The following SLC2A14 variants were observed in gnomAD, a reference collection of about 807,000 sequenced individuals.
The protein encoded by SLC2A14 is solute carrier family 2, facilitated glucose transporter member 14.
In SLC2A14, 13 loss-of-function variants were observed where a neutral mutation model predicts 43.0. The observed-to-expected ratio is 0.30, with a 90% CI of 0.20 to 0.48. The LOEUF (loss-of-function observed/expected upper bound fraction) is 0.48, where lower values mean the gene tolerates loss of function less well. Among genes scored for constraint, SLC2A14 ranks in the 20% least tolerant of loss-of-function variants. The pLI, the probability that SLC2A14 is intolerant of heterozygous loss-of-function variation, is 0.99. For synonymous variants in SLC2A14, 190 were observed against 233.8 expected, an observed-to-expected ratio of 0.81 and a Z score of 1.71; for missense variants, 428 against 620.4, an observed-to-expected ratio of 0.69 and a Z score of 3.29.
intron 1 of SLC2A14, chr12:7,870,773 T>C: frequency 1.2e-6 from 1 of 818,466 alleles, no homozygotes; most frequent in Non-Finnish European, 1.6e-6. Context: ...CAAATAAATA[T>C]ACTTTTCAAA....
intron 7 of SLC2A14, among the ~76,000 whole-genome samples, chr12:7,826,963 C>T (rs867767731): frequency 4.4e-5 from 4 of 91,382 alleles, no homozygotes; most frequent in Non-Finnish European, 6.5e-5. Context: ...TCTTCTCTCT[C>T]TTTCTCTCTC....
intron 9 of SLC2A14, among the ~76,000 whole-genome samples, chr12:7,819,090 G>A (rs1168286709): frequency 6.6e-6 from 1 of 152,084 alleles, no homozygotes; most frequent in African/African-American, 2.4e-5. Flanking sequence ...GGAGGTGCAT[G>A]CCTGTAATCA....
At position 7,832,736 on chromosome 12, in the gene SLC2A14, T is replaced by C; in HGVS notation, c.97A>G (p.Asn33Asp). Reference sequence around the variant, plus strand: ...CTGGCACTCACCGTCTCAGGAGCATTGATGACCCCAGTGTTGTAGCCAAAC... The same window carrying C: ...CTGGCACTCACCGTCTCAGGAGCATCGATGACCCCAGTGTTGTAGCCAAAC... ...FQFGYNTGVI[N>D]APETIIKEFI... Residue 33 changes from asparagine to aspartate, a missense_variant, in exon 3 of 11, where the codon AAT becomes GAT. Physicochemically the swap from Asn to Asp is conservative, Grantham distance 23. Transcript: ENST00000431042. The C allele has an allele frequency of 6.2e-7, 1 of 1,614,090 alleles. No individual in the cohort carries two copies. The highest frequency in any genetic ancestry group is 1.3e-5 in the African/African-American group (1 of 75,034).
At chr12:7,887,598 TAGATAGA>T (rs1945709542) in intron 1 of SLC2A14, among the ~76,000 whole-genome samples, 1 of 133,472 alleles carries the variant, frequency 7.5e-6, no homozygotes, top group Non-Finnish European at 1.7e-5. Context: ...GATAGATAGA[TAGATAGA>T]TAGATAGTTA....
chr12:7,846,663 G>A (rs1450919341), intron 2 of SLC2A14, among the ~76,000 whole-genome samples: 2 of 148,570 alleles, frequency 1.3e-5, no homozygotes, highest in Non-Finnish European at 3.0e-5. Flanking sequence ...ATGGAGTCTC[G>A]CTCTGTCACC....
At chr12:7,833,781 C>CA (rs35210860) in intron 2 of SLC2A14, among the ~76,000 whole-genome samples, 4,515 of 105,924 alleles carry the variant, frequency 0.043, 218 homozygotes, top group African/African-American at 0.11. Flanking sequence ...GACTCTGTCT[C>CA]AAAAAAAAAA....
chr12:7,846,622 G>A (rs1346287819), intron 2 of SLC2A14, among the ~76,000 whole-genome samples: 1 of 146,038 alleles, frequency 6.8e-6, no homozygotes, highest in Non-Finnish European at 1.5e-5. Flanking sequence ...TGGTTACAAT[G>A]TGAATATTCA....
intron 2 of SLC2A14, among the ~76,000 whole-genome samples, chr12:7,833,953 C>G (rs146957979): frequency 1.3e-5 from 2 of 152,252 alleles, no homozygotes; most frequent in East Asian, 3.9e-4. Flanking sequence ...CGCACCCCCA[C>G]CAATCCCTTC....
At chr12:7,864,617 C>T (rs916258350) in intron 2 of SLC2A14, among the ~76,000 whole-genome samples, 3 of 152,120 alleles carry the variant, frequency 2.0e-5, no homozygotes, top group Admixed American at 6.6e-5. Context: ...GGATTACAGG[C>T]GTGAGCCACC....
At position 7,884,325 on chromosome 12, in the gene SLC2A14, C is replaced by T. The variant is rs751534633; in HGVS notation, c.132+6671G>A. On this transcript the variant is annotated intron_variant, in intron 1 of 9. Coordinates refer to the SLC2A14 transcript ENST00000539924. ...AGGCTGGGACCTCTTGCTCCTTCTT[C>T]CTCCAACCCCTTTGCAATAACTGAA... Among the ~76,000 whole-genome samples the T allele has an allele frequency of 1.2e-4, 19 of 152,234 alleles. No individual in the cohort carries two copies. In the East Asian group the frequency reaches 2.9e-3, roughly 23 times the overall value.
chr12:7,830,686 T>C (rs1410692830), intron 4 of SLC2A14, among the ~76,000 whole-genome samples: 7 of 152,090 alleles, frequency 4.6e-5, no homozygotes, highest in Non-Finnish European at 1.0e-4. Flanking sequence ...TAAAATAGGT[T>C]GCCTTATCAA....
chr12:7,881,661 G>T (rs1217925274), intron 1 of SLC2A14, among the ~76,000 whole-genome samples: 2 of 152,180 alleles, frequency 1.3e-5, no homozygotes, highest in Non-Finnish European at 2.9e-5. Context: ...AGGAGTGTGG[G>T]CGCAGGGTGC....
chr12:7,862,344 G>T (rs991043771), intron 2 of SLC2A14, among the ~76,000 whole-genome samples: 3 of 151,648 alleles, frequency 2.0e-5, no homozygotes, highest in African/African-American at 7.3e-5. Flanking sequence ...ACTTTGGAAG[G>T]CCGAGACAGG....
At chr12:7,884,840 T>G (rs9634133) in intron 1 of SLC2A14, among the ~76,000 whole-genome samples, 28,732 of 152,082 alleles carry the variant, frequency 0.19, 3,066 homozygotes, top group Middle Eastern at 0.32. Context: ...TACTAGGAGT[T>G]AAAAATAAAT....
chr12:7,862,991 A>G (rs1944670383), intron 2 of SLC2A14, among the ~76,000 whole-genome samples: 1 of 152,172 alleles, frequency 6.6e-6, no homozygotes, highest in African/African-American at 2.4e-5. Flanking sequence ...ATAAGAGAAT[A>G]AAAGCAGGCT....
intron 1 of SLC2A14, chr12:7,870,978 T>C: frequency 7.0e-7 from 1 of 1,433,996 alleles, no homozygotes; most frequent in South Asian, 1.1e-5. Context: ...TTCAACATGA[T>C]TGACCAGAAC....
upstream of SLC2A14, chr12:7,873,378 A>C (rs4883062): frequency 0.88 from 863,183 of 984,602 alleles, 379,024 homozygotes; most frequent in South Asian, 0.96. Flanking sequence ...ACGGTGGCTC[A>C]CACCTGTAAT....
intron 7 of SLC2A14, among the ~76,000 whole-genome samples, chr12:7,826,853 C>T (rs74536973): frequency 0.01 from 350 of 34,276 alleles, 19 homozygotes; most frequent in African/African-American, 0.034. Flanking sequence ...TTCCTTCCTT[C>T]CTTTCTTTTT....
intron 2 of SLC2A14, among the ~76,000 whole-genome samples, chr12:7,849,003 G>A (rs369389183): frequency 2.0e-5 from 3 of 151,976 alleles, no homozygotes; most frequent in African/African-American, 7.2e-5. Flanking sequence ...ACAGGAACCT[G>A]CCACCTCGCC....
Sources: gnomAD v4.1 joint callset for allele counts (sites outside exome capture counted in the v4.1 genomes callset) on GRCh38, gnomAD v4.1.1 for gene constraint, MANE v1.5 for transcripts, NCBI Gene and HGNC (gene_info 2026-07-23, HGNC 2026-07-21) for gene names.